Variants in CEP112 observed in about 807,000 individuals in gnomAD.
CEP112 encodes centrosomal protein of 112 kDa.
In CEP112, 127 loss-of-function variants were observed where a neutral mutation model predicts 153.0. That is an observed-to-expected ratio of 0.83 (90% confidence interval 0.72 to 0.96). The LOEUF is 0.96. Ranked by LOEUF, CEP112 falls within the 40% of genes least tolerant of loss-of-function variation. CEP112 has a pLI of 0.00. For synonymous variants in CEP112, 358 were observed against 374.4 expected, an observed-to-expected ratio of 0.96 and a Z score of 0.51; for missense variants, 1,089 against 1,101.2, an observed-to-expected ratio of 0.99 and a Z score of 0.16.
At chr17:65,685,633 C>T (rs1259377943) in intron 24 of CEP112, among the ~76,000 whole-genome samples, 1 of 150,488 alleles carries the variant, frequency 6.6e-6, no homozygotes, top group African/African-American at 2.4e-5. Context: ...TCATATTTAG[C>T]AGATCCTAAA....
intron 8 of CEP112, 151 bp downstream of exon 8, chr17:66,096,100 C>A (rs2068334447): frequency 1.8e-6 from 1 of 558,212 alleles, no homozygotes; most frequent in Non-Finnish European, 3.1e-6. Context: ...AAAGATGAAC[C>A]CTGCCTACCA....
intron 12 of CEP112, among the ~76,000 whole-genome samples, chr17:66,052,839 G>T (rs563502425): frequency 6.6e-6 from 1 of 152,318 alleles, no homozygotes; most frequent in South Asian, 2.1e-4. Flanking sequence ...AGGCGTGGTT[G>T]ATCATGACTG....
intron 24 of CEP112, chr17:65,655,096 T>G: frequency 1.4e-6 from 1 of 705,828 alleles, no homozygotes; most frequent in Non-Finnish European, 2.7e-6. Context: ...ATAATGTGTT[T>G]AAAGTTGGCG....
At chr17:66,068,566 G>T (rs2067202820) in intron 9 of CEP112, among the ~76,000 whole-genome samples, 1 of 152,168 alleles carries the variant, frequency 6.6e-6, no homozygotes, top group Non-Finnish European at 1.5e-5. Flanking sequence ...TGCCAGACAA[G>T]AGTAAACTGA....
intron 17 of CEP112, among the ~76,000 whole-genome samples, chr17:65,978,421 G>C (rs2063114188): frequency 6.6e-6 from 1 of 152,224 alleles, no homozygotes; most frequent in Non-Finnish European, 1.5e-5. Flanking sequence ...GTGCCCCGGA[G>C]CAAGGCCCAG....
intron 4 of CEP112, among the ~76,000 whole-genome samples, chr17:66,154,638 C>T (rs897449123): frequency 2.0e-5 from 3 of 152,026 alleles, no homozygotes; most frequent in Admixed American, 2.0e-4. Flanking sequence ...CCAGATGTAC[C>T]ACATACCTAA....
At chr17:65,646,596 A>G (rs903454662) in intron 24 of CEP112, among the ~76,000 whole-genome samples, 1 of 152,184 alleles carries the variant, frequency 6.6e-6, no homozygotes, top group African/African-American at 2.4e-5. Flanking sequence ...CTGATGACCC[A>G]ATGAGGGAAG....
intron 12 of CEP112, among the ~76,000 whole-genome samples, chr17:66,035,247 T>C (rs2065684427): frequency 6.6e-6 from 1 of 151,954 alleles, no homozygotes; most frequent in East Asian, 1.9e-4. Flanking sequence ...CTGTACCTGT[T>C]CAAAAGGAGC....
At chr17:66,065,787 G>A (rs1049526072) in intron 10 of CEP112, among the ~76,000 whole-genome samples, 4 of 151,760 alleles carry the variant, frequency 2.6e-5, no homozygotes, top group Admixed American at 6.6e-5. Context: ...CCGCCACCAC[G>A]CCCAGCTAAT....
At chr17:65,852,110 G>A in intron 20 of CEP112, 76 bp from the exon 21 acceptor site, 1 of 902,544 alleles carries the variant, frequency 1.1e-6, no homozygotes, top group Non-Finnish European at 1.7e-6. Context: ...TGGGCAAAAG[G>A]CCAATAAATG....
intron 18 of CEP112, among the ~76,000 whole-genome samples, chr17:65,932,427 G>A (rs746954238): frequency 1.3e-5 from 2 of 152,182 alleles, no homozygotes; most frequent in Non-Finnish European, 2.9e-5. Flanking sequence ...CTAAAAATAT[G>A]AGGATCTATA....
intron 10 of CEP112, among the ~76,000 whole-genome samples, chr17:66,064,671 A>G (rs2067049170): frequency 6.6e-6 from 1 of 152,196 alleles, no homozygotes; most frequent in Non-Finnish European, 1.5e-5. Flanking sequence ...CATCTACAAT[A>G]TATTTTACTT....
chr17:65,842,338 C>T (rs867728615), intron 21 of CEP112, among the ~76,000 whole-genome samples: 14 of 152,038 alleles, frequency 9.2e-5, no homozygotes, highest in Admixed American at 4.6e-4. Context: ...CCAAGTAAAA[C>T]ATAGTTTTCT....
At position 65,702,667 on chromosome 17, in the gene CEP112, G is replaced by T. The variant is rs182412370; in HGVS notation, c.2608-13449C>A. Among the ~76,000 whole-genome samples the T allele has an allele frequency of 8.5e-5, 13 of 152,274 alleles. No individual in the cohort carries two copies. In the East Asian group the frequency reaches 2.3e-3, roughly 27 times the overall value. Reference sequence around the variant, plus strand: ...AAATGTATTAGTCCATTCTCATGCTGCTAATAAAGACATACCCGAGACTGG... The same window carrying T: ...AAATGTATTAGTCCATTCTCATGCTTCTAATAAAGACATACCCGAGACTGG... On this transcript the variant is annotated intron_variant, in intron 23 of 26. Coordinates refer to ENST00000535342, the MANE Select transcript of CEP112 (RefSeq NM_001199165.4).
At chr17:65,870,064 A>AGAAAGAAAGAAAGAAAG (rs2058612513) in intron 20 of CEP112, among the ~76,000 whole-genome samples, 2 of 83,126 alleles carry the variant, frequency 2.4e-5, no homozygotes, top group South Asian at 3.8e-4. Context: ...AAAGAAAGAA[A>AGAAAGAAAGAAAGAAAG]GAAAGAAAGA....
intron 4 of CEP112, among the ~76,000 whole-genome samples, chr17:66,171,799 A>G (rs970353924): frequency 6.6e-6 from 1 of 152,256 alleles, no homozygotes; most frequent in African/African-American, 2.4e-5. Flanking sequence ...TTAAATTAAA[A>G]GAAACATAAG....
At chr17:65,964,756 G>A (rs1204149318) in intron 17 of CEP112, among the ~76,000 whole-genome samples, 2 of 152,268 alleles carry the variant, frequency 1.3e-5, no homozygotes, top group South Asian at 4.1e-4. Flanking sequence ...TGCAATGACC[G>A]TTTAGAGATT....
intron 21 of CEP112, among the ~76,000 whole-genome samples, chr17:65,827,739 A>G (rs1481973647): frequency 2.0e-5 from 3 of 152,124 alleles, no homozygotes; most frequent in Admixed American, 6.5e-5. Flanking sequence ...CATGTCCACT[A>G]TGTTCTCGTC....
At chr17:66,155,219 AGTGG>A (rs548595099) in intron 4 of CEP112, among the ~76,000 whole-genome samples, 1 of 152,284 alleles carries the variant, frequency 6.6e-6, no homozygotes, top group East Asian at 1.9e-4. Flanking sequence ...CTGGTTAGAC[AGTGG>A]GTGCAGCCCA....
Sources: gnomAD v4.1 joint callset for allele counts (sites outside exome capture counted in the v4.1 genomes callset) on GRCh38, gnomAD v4.1.1 for gene constraint, MANE v1.5 for transcripts, NCBI Gene and HGNC (gene_info 2026-07-23, HGNC 2026-07-21) for gene names.